BMP6: variants seen among roughly 807,000 people sequenced by gnomAD.
BMP6 encodes the protein bone morphogenetic protein 6.
A neutral mutation model predicts 54.1 loss-of-function variants in BMP6; 17 were observed. The ratio of observed to expected loss-of-function variants is 0.31; its 90% CI spans 0.22 to 0.47. The LOEUF is 0.47. Ranked by LOEUF, BMP6 falls within the 20% of genes least tolerant of loss-of-function variation. The pLI, the probability that BMP6 is intolerant of heterozygous loss-of-function variation, is 1.00. For synonymous variants in BMP6, 328 were observed against 291.2 expected, an observed-to-expected ratio of 1.13 and a Z score of -1.28; for missense variants, 720 against 690.4, an observed-to-expected ratio of 1.04 and a Z score of -0.48.
chr6:7,781,907 TC>T (rs1222291942), intron 1 of BMP6, among the ~76,000 whole-genome samples: 1 of 151,346 alleles, frequency 6.6e-6, no homozygotes, highest in Non-Finnish European at 1.5e-5. Flanking sequence ...CCACCTTCTT[TC>T]CAAGAGCTGT....
chr6:7,758,174 G>C (rs771723265), intron 1 of BMP6, among the ~76,000 whole-genome samples: 1 of 152,202 alleles, frequency 6.6e-6, no homozygotes, highest in Non-Finnish European at 1.5e-5. Context: ...TTTGCATATT[G>C]CCTTATGTTA....
chr6:7,811,618 C>G (rs565654832), intron 1 of BMP6, among the ~76,000 whole-genome samples: 1 of 152,256 alleles, frequency 6.6e-6, no homozygotes, highest in African/African-American at 2.4e-5. Context: ...GGCCTAAGTT[C>G]AGGGTAGTGT....
Position 7,748,704 on chromosome 6 carries a change from C to T in BMP6, c.664+21085C>T, listed in dbSNP as rs536184702. ...AGATGTTTCCCATTATTAAGCTTAC[C>T]GAGGTGAATGATCAAGATTCATTGC... On this transcript the variant is annotated intron_variant, in intron 1 of 6. Transcript: ENST00000283147. 1.2e-4 allele frequency among the ~76,000 whole-genome samples: 19 copies of T among 152,234 alleles called. No individual in the cohort carries two copies. The South Asian group carries it at 3.5e-3, about 28-fold the overall frequency.
At chr6:7,793,153 TAAAC>T (rs1758136020) in intron 1 of BMP6, among the ~76,000 whole-genome samples, 1 of 152,178 alleles carries the variant, frequency 6.6e-6, no homozygotes, top group African/African-American at 2.4e-5. Context: ...GATGAATGGA[TAAAC>T]AAACTGGCAC....
At chr6:7,804,007 A>C (rs1758310252) in intron 1 of BMP6, among the ~76,000 whole-genome samples, 1 of 152,230 alleles carries the variant, frequency 6.6e-6, no homozygotes, top group South Asian at 2.1e-4. Context: ...CAAGGTAAGC[A>C]CACTTTTTGA....
At chr6:7,838,992 A>T (rs987214538) in intron 1 of BMP6, among the ~76,000 whole-genome samples, 1 of 151,830 alleles carries the variant, frequency 6.6e-6, no homozygotes, top group Non-Finnish European at 1.5e-5. Context: ...GATCTTTTTA[A>T]TATACACTCA....
intron 1 of BMP6, among the ~76,000 whole-genome samples, chr6:7,800,084 GTGT>G (rs1758247836): frequency 2.1e-5 from 1 of 48,166 alleles, no homozygotes; most frequent in African/African-American, 1.3e-4. Context: ...GAAGGGGTGT[GTGT>G]GTGTGTGTGT....
intron 2 of BMP6, among the ~76,000 whole-genome samples, chr6:7,855,446 G>T (rs1759210603): frequency 6.6e-6 from 1 of 151,386 alleles, no homozygotes; most frequent in African/African-American, 2.4e-5. Flanking sequence ...TGATAAAAGA[G>T]CACGTACAAC....
chr6:7,812,777 C>G (rs2113212745), intron 1 of BMP6, among the ~76,000 whole-genome samples: 1 of 152,040 alleles, frequency 6.6e-6, no homozygotes, highest in Non-Finnish European at 1.5e-5. Context: ...GGTGTATTTT[C>G]AACAGCTCTG....
chr6:7,860,293 T>G (rs1759314406), intron 2 of BMP6, among the ~76,000 whole-genome samples: 1 of 152,244 alleles, frequency 6.6e-6, no homozygotes, highest in African/African-American at 2.4e-5. Flanking sequence ...ACTTAGTATT[T>G]AATTTTAGTC....
chr6:7,846,065 T>C (rs1461406273), intron 2 of BMP6, among the ~76,000 whole-genome samples: 1 of 152,168 alleles, frequency 6.6e-6, no homozygotes, highest in East Asian at 1.9e-4. Context: ...TAGGGGTCAG[T>C]TTAGTAAGTC....
chr6:7,847,017 G>A (rs1759076186), intron 2 of BMP6, among the ~76,000 whole-genome samples: 1 of 152,084 alleles, frequency 6.6e-6, no homozygotes, highest in African/African-American at 2.4e-5. Flanking sequence ...TAAAAAAATT[G>A]TTATTTGTTT....
At chr6:7,751,102 C>A (rs984160891) in intron 1 of BMP6, among the ~76,000 whole-genome samples, 14 of 152,316 alleles carry the variant, frequency 9.2e-5, no homozygotes, top group Admixed American at 8.5e-4. Flanking sequence ...GCAGACTTGA[C>A]CAAGTGGTAT....
At chr6:7,845,916 G>C (rs1759055072) in intron 2 of BMP6, among the ~76,000 whole-genome samples, 1 of 152,152 alleles carries the variant, frequency 6.6e-6, no homozygotes, top group Non-Finnish European at 1.5e-5. Context: ...CATGTGCATG[G>C]AGCTGCCTAG....
At chr6:7,732,179 T>A (rs561682189) in intron 1 of BMP6, among the ~76,000 whole-genome samples, 1 of 152,356 alleles carries the variant, frequency 6.6e-6, no homozygotes, top group East Asian at 1.9e-4. Context: ...AAGAAGATTT[T>A]TGTTAGCAGA....
At chr6:7,841,505 A>G (rs1758968181) in intron 1 of BMP6, among the ~76,000 whole-genome samples, 1 of 152,208 alleles carries the variant, frequency 6.6e-6, no homozygotes, top group South Asian at 2.1e-4. Context: ...TTTATTTCTT[A>G]TATCCCTATG....
At chr6:7,734,512 C>T (rs1761923549) in intron 1 of BMP6, among the ~76,000 whole-genome samples, 1 of 152,202 alleles carries the variant, frequency 6.6e-6, no homozygotes, top group Non-Finnish European at 1.5e-5. Flanking sequence ...CCTGGAAGAG[C>T]CGAGGAAACC....
chr6:7,802,679 G>C (rs1328195228), intron 1 of BMP6, among the ~76,000 whole-genome samples: 2 of 152,190 alleles, frequency 1.3e-5, no homozygotes, highest in Admixed American at 6.5e-5. Flanking sequence ...TGCACCTTCT[G>C]AGCAGGTCAC....
rs116537594 is a variant in BMP6 at position 7,731,468 on chromosome 6, T to A, written c.664+3849T>A. Among the ~76,000 whole-genome samples, 1,408 of 152,370 alleles carry A rather than the reference T, an allele frequency of 9.2e-3. 18 individuals are homozygous for A. Among genetic ancestry groups the A allele is most frequent in the African/African-American group, 0.032 (1,332 of 41,586 alleles). On this transcript the variant is annotated intron_variant, in intron 1 of 6. Transcript: ENST00000283147. ...ATCACAAGTTTTTCTTTTTTCTTGT[T>A]AAATTTGCTTACTCATTTGTTTGTC...
Sources: gnomAD v4.1 joint callset for allele counts (sites outside exome capture counted in the v4.1 genomes callset) on GRCh38, gnomAD v4.1.1 for gene constraint, MANE v1.5 for transcripts, NCBI Gene and HGNC (gene_info 2026-07-23, HGNC 2026-07-21) for gene names.